Variants in WDPCP observed in about 807,000 individuals in gnomAD.
The protein encoded by WDPCP is WD repeat-containing and planar cell polarity effector protein fritz homolog.
WDPCP carries 71 observed loss-of-function variants against 93.1 expected under a neutral mutation model. The ratio of observed to expected loss-of-function variants is 0.76; its 90% CI spans 0.63 to 0.93. WDPCP has a LOEUF of 0.93. WDPCP is among the 40% of genes least tolerant of loss of function. WDPCP has a pLI of 0.00. For synonymous variants in WDPCP, 315 were observed against 315.0 expected (o/e 1.00, Z 0.00); for missense variants, 844 against 887.4 (o/e 0.95, Z 0.62).
At chr2:63,172,816 T>G (rs1189317558) in intron 15 of WDPCP, among the ~76,000 whole-genome samples, 1 of 152,144 alleles carries the variant, frequency 6.6e-6, no homozygotes, top group Non-Finnish European at 1.5e-5. Context: ...CCATGCAATC[T>G]GAAGAGGCAG....
At chr2:63,557,314 A>G (rs888156604) in intron 1 of WDPCP, among the ~76,000 whole-genome samples, 2 of 152,224 alleles carry the variant, frequency 1.3e-5, no homozygotes. Context: ...CGATGAAGGA[A>G]AATTTACCAA....
chr2:63,271,014 A>G (rs1682590956), intron 13 of WDPCP, among the ~76,000 whole-genome samples: 1 of 152,150 alleles, frequency 6.6e-6, no homozygotes, highest in Non-Finnish European at 1.5e-5. Flanking sequence ...ATTTCCCCCA[A>G]CATCAGCCCA....
chr2:63,834,378 T>C, the WDPCP span, among the ~76,000 whole-genome samples: 3 of 152,266 alleles, frequency 2.0e-5, no homozygotes, highest in Non-Finnish European at 4.4e-5. Context: ...AAGTCACTGA[T>C]AATTGAGAAT....
chr2:63,325,599 G>C (rs998364819), intron 12 of WDPCP, among the ~76,000 whole-genome samples: 14 of 152,290 alleles, frequency 9.2e-5, no homozygotes, highest in African/African-American at 3.4e-4. Flanking sequence ...GAAATCCTGG[G>C]ACAGCCTGTA....
intron 2 of WDPCP, among the ~76,000 whole-genome samples, chr2:63,667,114 T>C (rs940495644): frequency 6.6e-6 from 1 of 152,184 alleles, no homozygotes; most frequent in Non-Finnish European, 1.5e-5. Context: ...ACTTAAATTA[T>C]ATGCATTAAA....
At chr2:63,586,691 C>A (rs952245673) in intron 1 of WDPCP, among the ~76,000 whole-genome samples, 7 of 152,154 alleles carry the variant, frequency 4.6e-5, no homozygotes, top group Non-Finnish European at 1.0e-4. Flanking sequence ...AGAACAAGGC[C>A]CGTGAACTAC....
At chr2:63,334,775 G>A (rs1688232677) in intron 12 of WDPCP, among the ~76,000 whole-genome samples, 1 of 152,120 alleles carries the variant, frequency 6.6e-6, no homozygotes, top group African/African-American at 2.4e-5. Context: ...GAAAAGTCAA[G>A]TTGGAAACTG....
upstream of WDPCP, chr2:63,589,464 A>C: frequency 4.3e-6 from 6 of 1,401,202 alleles, no homozygotes; most frequent in Non-Finnish European, 5.9e-6. Flanking sequence ...GGCTTTTGTC[A>C]CAGGGACCTT....
chr2:63,838,760 G>A, the WDPCP span, among the ~76,000 whole-genome samples: 1 of 152,168 alleles, frequency 6.6e-6, no homozygotes, highest in African/African-American at 2.4e-5. Context: ...AATATATAAA[G>A]GGAAATAGGT....
intron 17 of WDPCP, among the ~76,000 whole-genome samples, chr2:63,131,841 T>TC (rs1321276186): frequency 1.3e-5 from 2 of 149,710 alleles, no homozygotes; most frequent in Non-Finnish European, 3.0e-5. Flanking sequence ...TTCTTTTTTT[T>TC]TTTTTTTTTT....
intron 2 of WDPCP, among the ~76,000 whole-genome samples, chr2:63,720,237 G>A (rs1216424150): frequency 2.0e-5 from 3 of 151,856 alleles, no homozygotes; most frequent in South Asian, 2.1e-4. Flanking sequence ...GGTACATGGC[G>A]AAACCCCATC....
chr2:63,548,470 A>C (rs1399354562), intron 1 of WDPCP, among the ~76,000 whole-genome samples: 1 of 152,196 alleles, frequency 6.6e-6, no homozygotes, highest in Non-Finnish European at 1.5e-5. Flanking sequence ...AGAAAAAAAA[A>C]ATCATAATAG....
At chr2:63,314,795 C>T (rs1394039163) in intron 12 of WDPCP, among the ~76,000 whole-genome samples, 5 of 152,140 alleles carry the variant, frequency 3.3e-5, no homozygotes, top group Admixed American at 2.0e-4. Flanking sequence ...CCATCTCTTC[C>T]CTGATCTCCA....
chr2:63,264,368 G>GGT (rs1359614326), intron 13 of WDPCP, among the ~76,000 whole-genome samples: 1 of 152,162 alleles, frequency 6.6e-6, no homozygotes, highest in Admixed American at 6.5e-5. Flanking sequence ...GGCTGGGTGC[G>GGT]GTGGCTCACG....
chr2:63,680,934 C>A (rs1345188480), intron 2 of WDPCP, among the ~76,000 whole-genome samples: 1 of 152,004 alleles, frequency 6.6e-6, no homozygotes, highest in African/African-American at 2.4e-5. Context: ...TCTAGACACA[C>A]ACTGGGCCAG....
At chr2:63,684,455 C>A in intron 2 of WDPCP, 2 of 817,110 alleles carry the variant, frequency 2.4e-6, no homozygotes, top group Admixed American at 1.7e-5. Flanking sequence ...CTGCTACCCC[C>A]GCAAAGTGAT....
At chr2:63,219,409 T>A (rs375837632) in intron 14 of WDPCP, among the ~76,000 whole-genome samples, 9 of 152,328 alleles carry the variant, frequency 5.9e-5, no homozygotes, top group African/African-American at 2.2e-4. Context: ...CCACATTTTA[T>A]CAGTTTTGTG....
intron 2 of WDPCP, among the ~76,000 whole-genome samples, chr2:63,784,270 T>G (rs970267582): frequency 5.9e-5 from 9 of 152,148 alleles, no homozygotes; most frequent in African/African-American, 2.2e-4. Flanking sequence ...AAAGGACCTC[T>G]GAAGCAGTTA....
Position 63,153,590 on chromosome 2 carries a change from G to A in WDPCP, c.2079-16C>T, listed in dbSNP as rs1455930720. 2 of 1,588,216 alleles carry A rather than the reference G, an allele frequency of 1.3e-6. No individual in the cohort carries two copies. Among genetic ancestry groups the A allele is most frequent in the African/African-American group, 2.7e-5 (2 of 74,306 alleles). On this transcript the variant is annotated splice_polypyrimidine_tract_variant and intron_variant, in intron 15 of 17. Coordinates refer to ENST00000272321, the MANE Select transcript of WDPCP (RefSeq NM_015910.7). ...AATTATTTGTCTGCAGTATATGGGT[G>A]TTTTTAATTGGAAAAAGGATTAAAA...
Sources: allele counts gnomAD v4.1 joint callset (sites outside exome capture counted in the v4.1 genomes callset), GRCh38; gene constraint gnomAD v4.1.1; transcripts MANE v1.5; gene names NCBI Gene and HGNC (gene_info 2026-07-23, HGNC 2026-07-21).